The following ZNF518A variants were observed in gnomAD, a reference collection of about 807,000 sequenced individuals.
The protein encoded by ZNF518A is zinc finger protein 518A.
ZNF518A carries 47 observed loss-of-function variants against 102.7 expected under a neutral mutation model. The ratio of observed to expected loss-of-function variants is 0.46; its 90% CI spans 0.36 to 0.58. The LOEUF (loss-of-function observed/expected upper bound fraction) is 0.58, where lower values mean the gene tolerates loss of function less well. Ranked by LOEUF, ZNF518A falls within the 20% of genes least tolerant of loss-of-function variation. The pLI is 0.00. For synonymous variants in ZNF518A, 652 were observed against 594.6 expected (o/e 1.10, Z -1.40); for missense variants, 1,793 against 1,699.8 (o/e 1.05, Z -0.96).
At chr10:96,178,374 C>T (rs1364510571) in intron 1 of ZNF518A, among the ~76,000 whole-genome samples, 3 of 151,978 alleles carry the variant, frequency 2.0e-5, no homozygotes, top group African/African-American at 7.2e-5. Flanking sequence ...AAGAAGAAGT[C>T]ACAGGGGAAA....
chr10:96,186,355 C>T (rs2083271792), intron 1 of ZNF518A, among the ~76,000 whole-genome samples: 1 of 152,180 alleles, frequency 6.6e-6, no homozygotes, highest in South Asian at 2.1e-4. Context: ...TTGGAATGAA[C>T]CAGCTTTTAC....
intron 1 of ZNF518A, among the ~76,000 whole-genome samples, chr10:96,172,298 A>G (rs1241292375): frequency 6.6e-6 from 1 of 152,160 alleles, no homozygotes; most frequent in African/African-American, 2.4e-5. Context: ...AATAGCAGAA[A>G]TGTTATAACA....
intron 3 of ZNF518A, among the ~76,000 whole-genome samples, chr10:96,143,860 T>C (rs1162525899): frequency 6.6e-6 from 1 of 152,260 alleles, no homozygotes; most frequent in Non-Finnish European, 1.5e-5. Flanking sequence ...GTCAGTAGTT[T>C]GGAGGATATC....
chr10:96,173,225 A>T (rs1006370707), intron 1 of ZNF518A, among the ~76,000 whole-genome samples: 1 of 152,138 alleles, frequency 6.6e-6, no homozygotes, highest in Non-Finnish European at 1.5e-5. Context: ...AGGCTAAGAG[A>T]CAACTGTTTA....
chr10:96,146,318 C>T (rs1171590665), intron 3 of ZNF518A, among the ~76,000 whole-genome samples: 1 of 152,130 alleles, frequency 6.6e-6, no homozygotes, highest in Non-Finnish European at 1.5e-5. Context: ...AGAAGTGAAT[C>T]AGAAGTTGTA....
intron 5 of ZNF518A, 43 bp from the exon 6 acceptor site, chr10:96,156,154 A>G (rs1398797863): frequency 5.8e-6 from 3 of 518,050 alleles, no homozygotes; most frequent in African/African-American, 4.0e-5. Context: ...CGAATTTACT[A>G]TTATTTTTGT....
rs1554885924 is a variant in ZNF518A, at chr10:96,159,336, C to G, written c.3014C>G (p.Thr1005Ser). 6.2e-7 allele frequency: 1 copy of G among 1,613,674 alleles called. No homozygotes were observed. The highest frequency in any genetic ancestry group is 1.7e-5 in the Admixed American group (1 of 59,990). The stretch of plus-strand genomic sequence containing the variant: ...GGTGCCCCAGCTCGTGGAACTGTGA[C>G]TAAGGAGCCTTGCAAAACACCTATT... Reference protein sequence around the residue: ...TEGAPARGTVTKEPCKTPILK... With the variant: ...TEGAPARGTVSKEPCKTPILK... The change falls in exon 6 of 6, where the codon ACT becomes AGT. Residue 1005 changes from threonine (T) to serine (S), a missense_variant. By Grantham distance (58) the Thr-to-Ser change is moderately conservative (BLOSUM62 1). Around this residue, in one of 3 missense-constraint regions of ZNF518A, gnomAD observed 1,741 missense variants for 1,622.6 expected, o/e 1.07. Coordinates refer to ENST00000316045, the MANE Select transcript of ZNF518A (RefSeq NM_001330736.2).
chr10:96,197,750 T>C (rs2083507823), intron 1 of ZNF518A, among the ~76,000 whole-genome samples: 1 of 151,718 alleles, frequency 6.6e-6, no homozygotes, highest in South Asian at 2.1e-4. Context: ...AAAGAACTTT[T>C]ATAAGAAAAA....
chr10:96,133,727 T>C (rs1354865442), intron 3 of ZNF518A, 79 bp downstream of exon 3: 1 of 152,236 alleles, frequency 6.6e-6, no homozygotes, highest in Non-Finnish European at 1.5e-5. Flanking sequence ...ACATAGACTA[T>C]ACCACCTTAC....
Position 96,156,448 on chromosome 10 carries a change from T to C in ZNF518A, c.126T>C (p.His42=), listed in dbSNP as rs781931569. The part of the protein sequence containing the change: ...APKPKISGSI[H]YALKNVKIDL... ...AACCAAAAATTTCAGGAAGTATTCA[T>C]TATGCACTAAAAAATGTGAAAATTG... The change falls in exon 6 of 6, where the codon CAT becomes CAC. Residue 42 remains histidine, a synonymous_variant. Coordinates refer to ENST00000316045, the MANE Select transcript of ZNF518A (RefSeq NM_001330736.2). The C allele has an allele frequency of 1.2e-6, 2 of 1,613,124 alleles. No individual in the cohort carries two copies. The highest frequency in any genetic ancestry group is 2.7e-5 in the African/African-American group (2 of 74,908).
At chr10:96,175,985 A>G (rs1043426063) in intron 1 of ZNF518A, among the ~76,000 whole-genome samples, 6 of 148,652 alleles carry the variant, frequency 4.0e-5, no homozygotes, top group African/African-American at 1.5e-4. Context: ...GTCTTACTCT[A>G]TCTCTCAGGC....
intron 3 of ZNF518A, among the ~76,000 whole-genome samples, chr10:96,143,504 C>A (rs1290890966): frequency 1.3e-5 from 2 of 152,198 alleles, no homozygotes; most frequent in East Asian, 3.8e-4. Context: ...TCCTGCTACT[C>A]TTTAAAGGGT....
chr10:96,145,064 TTTGTTG>T (rs56087328), intron 3 of ZNF518A, among the ~76,000 whole-genome samples: 1 of 150,652 alleles, frequency 6.6e-6, no homozygotes, highest in Admixed American at 6.6e-5. Flanking sequence ...ACATGTATGT[TTTGTTG>T]TTGTTGTTGT....
chr10:96,171,301 G>A (rs1458965951), intron 1 of ZNF518A, among the ~76,000 whole-genome samples: 1 of 152,156 alleles, frequency 6.6e-6, no homozygotes, highest in African/African-American at 2.4e-5. Context: ...TCCATCAACT[G>A]ATGAATGCAT....
intron 1 of ZNF518A, among the ~76,000 whole-genome samples, chr10:96,174,598 T>TA (rs2083192360): frequency 6.6e-6 from 1 of 152,206 alleles, no homozygotes; most frequent in South Asian, 2.1e-4. Flanking sequence ...AAAACTATTT[T>TA]AAAAAATGGC....
chr10:96,136,715 T>C (rs191863806), intron 3 of ZNF518A, among the ~76,000 whole-genome samples: 12 of 152,218 alleles, frequency 7.9e-5, no homozygotes, highest in East Asian at 7.8e-4. Context: ...TGATTGCTCA[T>C]AGAACGTTCA....
intron 1 of ZNF518A, among the ~76,000 whole-genome samples, chr10:96,201,543 CAG>C (rs1347320984): frequency 6.6e-6 from 1 of 152,086 alleles, no homozygotes; most frequent in African/African-American, 2.4e-5. Flanking sequence ...TTAAATGTCT[CAG>C]TTTTAATTCT....
chr10:96,189,625 A>T (rs1422629746), intron 1 of ZNF518A: 1 of 705,200 alleles, frequency 1.4e-6, no homozygotes, highest in Admixed American at 1.8e-5. Context: ...TTCTGATTTG[A>T]CTTTTGTGCA....
At chr10:96,168,279 T>C (rs1204746026), downstream of ZNF518A, among the ~76,000 whole-genome samples, 1 of 152,144 alleles carries the variant, frequency 6.6e-6, no homozygotes, top group Admixed American at 6.5e-5. Flanking sequence ...ACTTGGCCAG[T>C]GGGAATGGTG....
Sources: gnomAD v4.1 joint callset for allele counts (sites outside exome capture counted in the v4.1 genomes callset) on GRCh38, gnomAD v4.1.1 for gene constraint, gnomAD v4.1.1 regional missense constraint, MANE v1.5 for transcripts, NCBI Gene and HGNC (gene_info 2026-07-23, HGNC 2026-07-21) for gene names.